Variants in CNIH4 observed in about 807,000 individuals in gnomAD.
CNIH4 encodes cornichon family member 4.
A neutral mutation model predicts 21.5 loss-of-function variants in CNIH4; 9 were observed. That is an observed-to-expected ratio of 0.42 (90% confidence interval 0.25 to 0.73). The LOEUF is 0.73. Among genes scored for constraint, CNIH4 ranks in the 30% least tolerant of loss-of-function variants. CNIH4 has a pLI of 0.27. For missense variants in CNIH4, 159 were observed against 170.0 expected, an observed-to-expected ratio of 0.94 and a Z score of 0.36; for synonymous variants, 67 against 59.1, an observed-to-expected ratio of 1.13 and a Z score of -0.61.
At chr1:224,368,832 T>C (rs543898068) in intron 3 of CNIH4, among the ~76,000 whole-genome samples, 1 of 152,054 alleles carries the variant, frequency 6.6e-6, no homozygotes, top group Admixed American at 6.5e-5. Context: ...ACAGCTGCAC[T>C]ATTTGACATT....
chr1:224,373,002 G>C (rs998290202), intron 4 of CNIH4, among the ~76,000 whole-genome samples: 1 of 152,074 alleles, frequency 6.6e-6, no homozygotes, highest in African/African-American at 2.4e-5. Flanking sequence ...CCACCCATTA[G>C]TGGATTAGAT....
Position 224,378,961 on chromosome 1 carries a change from T to C in CNIH4, c.*3139T>C. 1.9e-6 allele frequency: 2 copies of C among 1,065,620 alleles called. No individual in the cohort carries two copies. Among genetic ancestry groups the C allele is most frequent in the Non-Finnish European group, 2.8e-6 (2 of 705,886 alleles). 66.0% of individuals were successfully genotyped at this position (1,065,620 alleles called of 1,614,324 possible). The stretch of plus-strand genomic sequence containing the variant: ...CCTTACCACTCCTCTTCCCCTTCCC[T>C]CTATAATGGCAGTACCCAGGGCCCG... On this transcript the variant is annotated 3_prime_UTR_variant, in exon 5 of 5. Coordinates refer to ENST00000465271, the MANE Select transcript of CNIH4 (RefSeq NM_014184.4).
intron 2 of CNIH4, chr1:224,364,333 G>T: frequency 1.0e-6 from 1 of 985,420 alleles, no homozygotes. Flanking sequence ...GAAGGCTATA[G>T]CTTTAGGGAT....
rs369790169 is a variant in CNIH4 at position 224,371,379 on chromosome 1, C to G, written c.348C>G (p.Ile116Met). 6.2e-7 allele frequency: 1 copy of G among 1,614,116 alleles called. No homozygotes were observed. Among genetic ancestry groups the G allele is most frequent in the African/African-American group, 1.3e-5 (1 of 75,036 alleles). ...AGTCACACATGAAAGAAGCCATGAT[C>G]AAGCTTGGTTTCCACTTGCTCTGCT... ...QLKSHMKEAMIKLGFHLLCFF... is the reference protein window; with the variant it reads ...QLKSHMKEAMMKLGFHLLCFF... Residue 116 changes from isoleucine (I) to methionine (M), a missense_variant, in exon 4 of 5, where the codon ATC becomes ATG. By Grantham distance (10) the Ile-to-Met change is conservative. Transcript: ENST00000465271.
intron 1 of CNIH4, among the ~76,000 whole-genome samples, chr1:224,359,079 C>T (rs1424327646): frequency 6.6e-6 from 1 of 152,068 alleles, no homozygotes; most frequent in Non-Finnish European, 1.5e-5. Flanking sequence ...GATTTCTGGG[C>T]TATGGTTAAC....
intron 3 of CNIH4, among the ~76,000 whole-genome samples, chr1:224,370,080 A>G (rs1450553842): frequency 6.6e-6 from 1 of 152,132 alleles, no homozygotes; most frequent in Non-Finnish European, 1.5e-5. Context: ...AAATAAAACA[A>G]AAATACAAAA....
At chr1:224,371,572 C>G (rs1160607535) in intron 4 of CNIH4, 149 bp downstream of exon 4, 5 of 760,738 alleles carry the variant, frequency 6.6e-6, no homozygotes, top group Non-Finnish European at 1.1e-5. Flanking sequence ...TTATGTATGT[C>G]ATTGAATCAG....
chr1:224,372,720 C>T (rs979376208), intron 4 of CNIH4, among the ~76,000 whole-genome samples: 3 of 151,584 alleles, frequency 2.0e-5, no homozygotes, highest in East Asian at 1.9e-4. Context: ...GTAGCTGGGA[C>T]TACAGGTGCG....
chr1:224,376,469 A>G lies in CNIH4; in HGVS notation c.*647A>G. On this transcript the variant is annotated 3_prime_UTR_variant, in exon 5 of 5. Coordinates refer to ENST00000465271, the MANE Select transcript of CNIH4 (RefSeq NM_014184.4). ...AATATTTTGTCAAGAGCTTTCATTT[A>G]AAAGCTACTACCTCCACAATCACCC... 1 of 985,356 alleles carries G rather than the reference A, an allele frequency of 1.0e-6. No homozygotes were observed. The highest frequency in any genetic ancestry group is 1.2e-6 in the Non-Finnish European group (1 of 829,864). The allele number at this position is 985,356 out of a possible 1,614,324, so 61.0% of individuals were successfully genotyped here.
chr1:224,360,037 G>A (rs1317822900), intron 1 of CNIH4, among the ~76,000 whole-genome samples: 2 of 152,072 alleles, frequency 1.3e-5, no homozygotes, highest in Admixed American at 6.6e-5. Context: ...TTGGAAGGCT[G>A]AGGCACAAGA....
In CNIH4 at chr1:224,375,944, A is replaced by G. The variant is rs376411233; in HGVS notation, c.*122A>G. 13 of 1,377,526 alleles carry G rather than the reference A, an allele frequency of 9.4e-6. No homozygotes were observed. The East Asian group carries it at 1.3e-4, about 14-fold the overall frequency. 85.3% of individuals were successfully genotyped at this position (1,377,526 alleles called of 1,614,324 possible). ...GTATATATTTTCCTCTTGGAACAAA[A>G]AACTATTTTTGCTGTATTTTTACCA... On this transcript the variant is annotated 3_prime_UTR_variant, in exon 5 of 5. Transcript: ENST00000465271.
intron 3 of CNIH4, among the ~76,000 whole-genome samples, chr1:224,367,613 C>T (rs1435716786): frequency 2.0e-5 from 3 of 151,688 alleles, no homozygotes; most frequent in African/African-American, 4.8e-5. Context: ...TAGTGCACTA[C>T]AGCCTTGAAC....
In CNIH4 at chr1:224,369,578, A is replaced by G. The variant is rs1672563888; in HGVS notation, c.252-1705A>G. ...GCAACAGAGCGAGATTACGTCTAAA[A>G]ATAATAATAATAATAAACTAAAAAA... On this transcript the variant is annotated intron_variant, in intron 3 of 4. Coordinates refer to ENST00000465271, the MANE Select transcript of CNIH4 (RefSeq NM_014184.4). Among the ~76,000 whole-genome samples the G allele has an allele frequency of 2.0e-5, 3 of 151,992 alleles. No individual in the cohort carries two copies. In the South Asian group the frequency reaches 6.2e-4, roughly 32 times the overall value.
rs761757527 is a variant in CNIH4 at position 224,357,004 on chromosome 1, C to G, written c.69+11C>G. 6.2e-7 allele frequency: 1 copy of G among 1,605,228 alleles called. No individual in the cohort carries two copies. The highest frequency in any genetic ancestry group is 1.1e-5 in the South Asian group (1 of 89,286). Reference sequence around the variant, plus strand: ...CTCTCGGTCTACTTCGTATCCTTGCCTGAGGCAGGCGAACGCCTTGCCGGG... The same window carrying G: ...CTCTCGGTCTACTTCGTATCCTTGCGTGAGGCAGGCGAACGCCTTGCCGGG... On this transcript the variant is annotated intron_variant, in intron 1 of 4. Transcript: ENST00000465271.
chr1:224,375,693 A>G (rs1279526357), intron 4 of CNIH4, 102 bp from the exon 5 acceptor site: 8 of 1,263,108 alleles, frequency 6.3e-6, no homozygotes, highest in East Asian at 4.9e-5. Context: ...TACTCAAATG[A>G]TTGTTCCTTT....
At chr1:224,359,499 G>T (rs1365402875) in intron 1 of CNIH4, among the ~76,000 whole-genome samples, 1 of 152,208 alleles carries the variant, frequency 6.6e-6, no homozygotes, top group Non-Finnish European at 1.5e-5. Flanking sequence ...AGTGATACTT[G>T]TGTCAGTAAC....
rs148113845 is a variant in CNIH4 at position 224,360,089 on chromosome 1, T to C, written c.70-406T>C. Among the ~76,000 whole-genome samples, 26 of 152,146 alleles carry C rather than the reference T, an allele frequency of 1.7e-4. No homozygotes were observed. The East Asian group carries it at 5.0e-3, about 29-fold the overall frequency. ...AGGCAGGGGTAGCAGTGCGTTGGAA[T>C]TGCGCCACTGCACTACAGCCTGGGT... On this transcript the variant is annotated intron_variant, in intron 1 of 4. Transcript: ENST00000465271.
intron 4 of CNIH4, among the ~76,000 whole-genome samples, chr1:224,373,515 C>A (rs935705251): frequency 2.6e-5 from 4 of 151,986 alleles, no homozygotes; most frequent in African/African-American, 7.3e-5. Context: ...AGTTTCTGAA[C>A]TCTTAGTCGT....
At chr1:224,362,274 G>C (rs1672315455) in intron 2 of CNIH4, among the ~76,000 whole-genome samples, 1 of 151,244 alleles carries the variant, frequency 6.6e-6, no homozygotes, top group Non-Finnish European at 1.5e-5. Context: ...AGTGGAGACG[G>C]GGTTTCACCG....
Sources: allele counts gnomAD v4.1 joint callset (sites outside exome capture counted in the v4.1 genomes callset), GRCh38; gene constraint gnomAD v4.1.1; transcripts MANE v1.5; gene names NCBI Gene and HGNC (gene_info 2026-07-23, HGNC 2026-07-21).